SGCD: variants seen among roughly 807,000 people sequenced by gnomAD.
SGCD encodes the protein sarcoglycan delta.
Under a neutral mutation model 36.6 loss-of-function variants are expected in SGCD, and 18 were observed. The ratio of observed to expected loss-of-function variants is 0.49; its 90% CI spans 0.34 to 0.73. The LOEUF (loss-of-function observed/expected upper bound fraction) is 0.73. Among genes scored for constraint, SGCD ranks in the 30% least tolerant of loss-of-function variants. SGCD has a pLI of 0.01. For missense variants in SGCD, 387 were observed against 346.7 expected (o/e 1.12, Z -0.92); for synonymous variants, 133 against 130.6 (o/e 1.02, Z -0.12).
At chr5:155,856,971 C>T in the SGCD span, among the ~76,000 whole-genome samples, 17 of 152,290 alleles carry the variant, frequency 1.1e-4, no homozygotes, top group South Asian at 1.0e-3. Flanking sequence ...CAGTGGCTCA[C>T]GCCTGTAATC....
chr5:156,226,120 G>A (rs1188817190), intron 3 of SGCD, among the ~76,000 whole-genome samples: 3 of 152,058 alleles, frequency 2.0e-5, no homozygotes, highest in African/African-American at 7.2e-5. Context: ...TTGGTTACAT[G>A]AGTAAGTTCT....
At chr5:156,307,854 G>A (rs1041877435) in intron 3 of SGCD, among the ~76,000 whole-genome samples, 286 of 151,956 alleles carry the variant, frequency 1.9e-3, no homozygotes, top group African/African-American at 6.8e-3. Context: ...TTCACTTTGT[G>A]TGTTTAAGAA....
upstream of SGCD, among the ~76,000 whole-genome samples, chr5:156,321,941 C>T (rs1478023676): frequency 6.6e-6 from 1 of 152,192 alleles, no homozygotes; most frequent in Non-Finnish European, 1.5e-5. Context: ...TGAATGAGTT[C>T]CATCTGCTGT....
chr5:156,279,695 T>C (rs1766401737), intron 3 of SGCD, among the ~76,000 whole-genome samples: 1 of 152,120 alleles, frequency 6.6e-6, no homozygotes, highest in Non-Finnish European at 1.5e-5. Context: ...TTTTTGTGTG[T>C]GAGCAAGAAC....
At chr5:156,411,466 G>T (rs1772748860) in intron 3 of SGCD, among the ~76,000 whole-genome samples, 1 of 152,188 alleles carries the variant, frequency 6.6e-6, no homozygotes, top group African/African-American at 2.4e-5. Flanking sequence ...GAGAAATTAG[G>T]CAGAGACAGC....
intron 1 of SGCD, among the ~76,000 whole-genome samples, chr5:155,917,424 A>AT (rs1345500295): frequency 6.6e-6 from 1 of 152,196 alleles, no homozygotes; most frequent in Non-Finnish European, 1.5e-5. Context: ...GGCCTGTAGT[A>AT]AGTAATTGAA....
At chr5:156,652,979 C>T (rs968069188) in intron 7 of SGCD, among the ~76,000 whole-genome samples, 3 of 152,014 alleles carry the variant, frequency 2.0e-5, no homozygotes, top group African/African-American at 7.2e-5. Flanking sequence ...TTTTGATGTG[C>T]TGTGGGATTT....
chr5:155,914,064 C>T (rs746196612), intron 1 of SGCD, among the ~76,000 whole-genome samples: 151 of 152,234 alleles, frequency 9.9e-4, no homozygotes, highest in Non-Finnish European at 1.6e-3. Flanking sequence ...ATGAGAAAAC[C>T]GAGGTCCAAG....
the SGCD span, among the ~76,000 whole-genome samples, chr5:155,775,347 C>T: frequency 6.6e-6 from 1 of 151,988 alleles, no homozygotes; most frequent in Non-Finnish European, 1.5e-5. Context: ...CATAACACAC[C>T]TGAAATATGA....
the SGCD span, among the ~76,000 whole-genome samples, chr5:155,806,240 C>G: frequency 3.3e-5 from 5 of 152,062 alleles, no homozygotes; most frequent in Non-Finnish European, 7.4e-5. Context: ...CCGCCACCTC[C>G]GCCTCCTGGG....
At chr5:156,723,145 A>C (rs758853579) in intron 7 of SGCD, among the ~76,000 whole-genome samples, 1 of 152,220 alleles carries the variant, frequency 6.6e-6, no homozygotes, top group Non-Finnish European at 1.5e-5. Context: ...TTATATTTTA[A>C]ATGATATATC....
intron 1 of SGCD, among the ~76,000 whole-genome samples, chr5:155,881,252 C>T (rs1755877079): frequency 1.3e-5 from 2 of 150,840 alleles, no homozygotes. Context: ...ACAGGCATAG[C>T]TTGGAGAGAT....
intron 7 of SGCD, among the ~76,000 whole-genome samples, chr5:156,648,257 A>T (rs1317783591): frequency 1.3e-5 from 1 of 79,050 alleles, no homozygotes; most frequent in African/African-American, 5.9e-5. Context: ...AATTCAGTGA[A>T]TACTGGCTTT....
chr5:156,652,501 TACACACATACAC>T (rs142907389), intron 7 of SGCD, among the ~76,000 whole-genome samples: 4,230 of 152,052 alleles, frequency 0.028, 173 homozygotes, highest in East Asian at 0.17. Context: ...CTCTCTCATA[TACACACATACAC>T]ACACACATAC....
chr5:156,616,099 C>T lies in SGCD; in HGVS notation c.502+21048C>T, dbSNP rs559397698. On this transcript the variant is annotated intron_variant, in intron 6 of 8. Transcript: ENST00000337851. ...AGTGGCTCAAATAATGAAACCAAAA[C>T]TTAGTCTCTCTCTCTTTCTTTTAAT... 3.3e-5 allele frequency among the ~76,000 whole-genome samples: 5 copies of T among 150,964 alleles called. No individual in the cohort carries two copies. The South Asian group carries it at 8.3e-4, about 25-fold the overall frequency.
At position 156,511,625 on chromosome 5, in the gene SGCD, C is replaced by T. The variant is rs569143084; in HGVS notation, c.294+2923C>T. ...CTCAGATGTCACCTGTTTAGAAAGA[C>T]CTCCTTCACCCAATCAGTCCATTTA... On this transcript the variant is annotated intron_variant, in intron 4 of 8. Coordinates refer to ENST00000337851, the MANE Select transcript of SGCD (RefSeq NM_000337.6). Among the ~76,000 whole-genome samples the T allele has an allele frequency of 8.1e-4, 124 of 152,168 alleles. 1 individual carries two copies. Among genetic ancestry groups the T allele is most frequent in the Non-Finnish European group, 1.6e-3 (108 of 68,040 alleles).
intron 3 of SGCD, among the ~76,000 whole-genome samples, chr5:156,427,726 G>C (rs963278266): frequency 6.6e-6 from 1 of 151,992 alleles, no homozygotes; most frequent in African/African-American, 2.4e-5. Flanking sequence ...TGCCAATTTT[G>C]TTGAGAGGTT....
At chr5:156,261,108 G>A (rs889116497) in intron 3 of SGCD, among the ~76,000 whole-genome samples, 3 of 152,042 alleles carry the variant, frequency 2.0e-5, no homozygotes, top group Non-Finnish European at 4.4e-5. Context: ...AAGCTGTGGT[G>A]TCTTTTCTTT....
intron 3 of SGCD, among the ~76,000 whole-genome samples, chr5:156,462,663 A>G (rs1185566576): frequency 6.6e-6 from 1 of 152,196 alleles, no homozygotes; most frequent in Non-Finnish European, 1.5e-5. Context: ...GTATTCTTTT[A>G]TGAATAAAAC....
Sources: allele counts gnomAD v4.1 joint callset (sites outside exome capture counted in the v4.1 genomes callset), GRCh38; gene constraint gnomAD v4.1.1; transcripts MANE v1.5; gene names NCBI Gene and HGNC (gene_info 2026-07-23, HGNC 2026-07-21).